The following FBN3 variants were observed in gnomAD, a reference collection of about 807,000 sequenced individuals.
FBN3 encodes fibrillin-3.
FBN3 carries 234 observed loss-of-function variants against 330.1 expected under a neutral mutation model. The ratio of observed to expected loss-of-function variants is 0.71; its 90% CI spans 0.64 to 0.79. The LOEUF (loss-of-function observed/expected upper bound fraction) is 0.79. Among genes scored for constraint, FBN3 ranks in the 30% least tolerant of loss-of-function variants. The pLI is 0.00. For missense variants in FBN3, 3,606 were observed against 3,886.9 expected, an observed-to-expected ratio of 0.93 and a Z score of 1.92; for synonymous variants, 1,458 against 1,517.3, an observed-to-expected ratio of 0.96 and a Z score of 0.91.
At chr19:8,093,735 TGA>T (rs1244144187) in intron 47 of FBN3, among the ~76,000 whole-genome samples, 4 of 152,090 alleles carry the variant, frequency 2.6e-5, no homozygotes, top group African/African-American at 9.7e-5. Flanking sequence ...TGCAGTGAGC[TGA>T]GAGTGAGACT....
At chr19:8,126,191 C>T (rs2082977298) in intron 21 of FBN3, 106 bp downstream of exon 21, 11 of 1,443,468 alleles carry the variant, frequency 7.6e-6, no homozygotes, top group African/African-American at 1.4e-5. Flanking sequence ...GTCCCCATCG[C>T]AAAAGACTCC....
Position 8,146,178 on chromosome 19 carries a change from G to T in FBN3, c.298C>A (p.Leu100Met). 1 of 1,603,308 alleles carries T rather than the reference G, an allele frequency of 6.2e-7. No homozygotes were observed. Among genetic ancestry groups the T allele is most frequent in the Non-Finnish European group, 8.5e-7 (1 of 1,176,270 alleles). The change falls in exon 4 of 64, where the codon CTG (leucine) becomes ATG (methionine). Residue 100 changes from leucine to methionine, a missense_variant. Transcript: ENST00000600128. ...CGEGFCSQPNLCTCADGTLAP... is the reference protein window; with the variant it reads ...CGEGFCSQPNMCTCADGTLAP... ...AGCGTCCCATCCGCACAGGTGCACA[G>T]GTTGGGCTGGGAGCAGAAGCCTTCA...
intron 30 of FBN3, 81 bp from the exon 31 acceptor site, chr19:8,112,180 C>G: frequency 6.8e-7 from 1 of 1,468,082 alleles, no homozygotes. Context: ...AGGGCAGGGA[C>G]TCTTCCTCTC....
chr19:8,088,783 G>T (rs1226228328), intron 51 of FBN3, among the ~76,000 whole-genome samples: 2 of 152,208 alleles, frequency 1.3e-5, no homozygotes, highest in African/African-American at 4.8e-5. Context: ...GGGTGAATGA[G>T]CAAGGAGACA....
intron 13 of FBN3, among the ~76,000 whole-genome samples, chr19:8,135,658 A>G (rs2144998711): frequency 6.6e-6 from 1 of 151,550 alleles, no homozygotes; most frequent in South Asian, 2.1e-4. Flanking sequence ...TTTCAGCTCA[A>G]GAGATTCTCC....
intron 37 of FBN3, among the ~76,000 whole-genome samples, chr19:8,107,098 T>C (rs538923241): frequency 1.3e-4 from 19 of 146,858 alleles, no homozygotes; most frequent in South Asian, 2.2e-4. Context: ...GGATGGGGCA[T>C]GGTTGGATGG....
chr19:8,088,947 C>T (rs1432871325), intron 51 of FBN3, among the ~76,000 whole-genome samples: 1 of 150,754 alleles, frequency 6.6e-6, no homozygotes, highest in Non-Finnish European at 1.5e-5. Context: ...ATTGAATGAA[C>T]AAGTGAATGA....
rs751649367 is a variant in FBN3 at position 8,136,042 on chromosome 19, G to A, written c.1510C>T (p.Arg504Cys). 3.4e-5 allele frequency: 54 copies of A among 1,610,888 alleles called. No homozygotes were observed. The highest frequency in any genetic ancestry group is 1.1e-4 in the South Asian group (10 of 90,892). Residue 504 changes from arginine (R) to cysteine (C), a missense_variant, in exon 13 of 64, where the codon CGC becomes TGC. Arg to Cys is a radical substitution (Grantham distance 180, BLOSUM62 -3). Coordinates refer to ENST00000600128, the MANE Select transcript of FBN3 (RefSeq NM_032447.5). Reference protein sequence around the residue: ...IVSGGLCHLGRCVNTEGSFQC... With the variant: ...IVSGGLCHLGCCVNTEGSFQC... ...AAGCTGCCCTCTGTGTTGACACAGC[G>A]GCCCAGGTGACAAAGGCCACCACTG...
intron 13 of FBN3, among the ~76,000 whole-genome samples, chr19:8,133,742 G>A (rs75813142): frequency 1.8e-4 from 28 of 151,958 alleles, no homozygotes; most frequent in African/African-American, 6.0e-4. Flanking sequence ...GTGAGCCACC[G>A]CGCCCAACCT....
Position 8,147,145 on chromosome 19 carries a change from G to A in FBN3, c.209C>T (p.Pro70Leu). 1 of 1,573,152 alleles carries A rather than the reference G, an allele frequency of 6.4e-7. No homozygotes were observed. Among genetic ancestry groups the A allele is most frequent in the Non-Finnish European group, 8.6e-7 (1 of 1,160,604 alleles). ...CCTGCCAGGGAATGTCCTCCAGCCT[G>A]GACAGCAGTAGGCATGGAACCGGGA... ...CGSRFHAYCC[P>L]GWRTFPGRSQ... Residue 70 changes from proline (P) to leucine (L), a missense_variant, in exon 3 of 64, where the codon CCA (proline) becomes CTA (leucine). Pro to Leu is a moderately conservative substitution (Grantham distance 98, BLOSUM62 -3). Coordinates refer to ENST00000600128, the MANE Select transcript of FBN3 (RefSeq NM_032447.5).
chr19:8,090,164 C>T lies in FBN3; in HGVS notation c.6119G>A (p.Cys2040Tyr). 1 of 1,614,124 alleles carries T rather than the reference C, an allele frequency of 6.2e-7. No homozygotes were observed. The highest frequency in any genetic ancestry group is 8.5e-7 in the Non-Finnish European group (1 of 1,180,016). The change falls in exon 49 of 64, where the codon TGC becomes TAC. Residue 2040 changes from cysteine (C) to tyrosine (Y), a missense_variant. Cys to Tyr is a radical substitution (Grantham distance 194). Coordinates refer to ENST00000600128, the MANE Select transcript of FBN3 (RefSeq NM_032447.5). ...KAFNTTKTRC[C>Y]CSKRPGEGWG... is the part of the protein sequence containing the mutation. Reference sequence around the variant, plus strand: ...GCCCTCCCCAGGCCTCTTACTGCAGCAGCAGCGGGTCTTGGTGGTGTTGAA... The same window carrying T: ...GCCCTCCCCAGGCCTCTTACTGCAGTAGCAGCGGGTCTTGGTGGTGTTGAA...
intron 59 of FBN3, among the ~76,000 whole-genome samples, chr19:8,076,247 C>CGTGTGTGTGTGTGTGTGT (rs34549426): frequency 1.0e-3 from 150 of 147,752 alleles, no homozygotes; most frequent in African/African-American, 1.5e-3. Flanking sequence ...TGTCCGTGTG[C>CGTGTGTGTGTGTGTGTGT]GTGTGTGTGT....
In FBN3 at chr19:8,147,386, C is replaced by G; in HGVS notation, c.95G>C (p.Arg32Pro). 1 of 1,597,392 alleles carries G rather than the reference C, an allele frequency of 6.3e-7. No homozygotes were observed. The highest frequency in any genetic ancestry group is 8.5e-7 in the Non-Finnish European group (1 of 1,173,718). Residue 32 changes from arginine to proline, a missense_variant, in exon 2 of 64, where the codon CGC becomes CCC. By Grantham distance (103) the Arg-to-Pro change is moderately radical (BLOSUM62 -2). Transcript: ENST00000600128. ...TGCAGCCTCCAAGGCCCCGTCCCAG[C>G]GGCCTTGGCCACCTGCCATGCACAA... ...ALLCMAGGQG[R>P]WDGALEAAGP...
chr19:8,117,041 G>C, intron 28 of FBN3, 128 bp downstream of exon 28: 1 of 1,425,354 alleles, frequency 7.0e-7, no homozygotes, highest in Non-Finnish European at 9.4e-7. Flanking sequence ...CCACAGGCCA[G>C]GCAGGGGGTG....
chr19:8,100,985 G>C lies in FBN3; in HGVS notation c.5090-13C>G. ...ATCTGGTAGTCAGCTGCGCAAAGGGGAACAAAGCTGAGTCTGGGGCTGCAG... is the reference window on the plus strand; with the variant it reads ...ATCTGGTAGTCAGCTGCGCAAAGGGCAACAAAGCTGAGTCTGGGGCTGCAG... On this transcript the variant is annotated splice_polypyrimidine_tract_variant and intron_variant, in intron 40 of 63. Coordinates refer to ENST00000600128, the MANE Select transcript of FBN3 (RefSeq NM_032447.5). The C allele has an allele frequency of 6.2e-7, 1 of 1,609,522 alleles. No homozygotes were observed. The highest frequency in any genetic ancestry group is 2.2e-5 in the East Asian group (1 of 44,608).
Position 8,123,929 on chromosome 19 carries a change from G to T in FBN3, c.2811C>A (p.Asp937Glu), listed in dbSNP as rs755574105. ...CGGCCCCGATGGAGCAGCAGCAGAC[G>T]TCCATCCGGTACTTGCCAGGCAGGG... ...GVTLPGKYRM[D>E]VCCCSIGAVW... Residue 937 changes from aspartate to glutamate, a missense_variant, in exon 23 of 64, where the codon GAC (aspartate) becomes GAA (glutamate). Transcript: ENST00000600128. The T allele has an allele frequency of 1.9e-6, 3 of 1,614,060 alleles. No homozygotes were observed. The highest frequency in any genetic ancestry group is 4.5e-5 in the East Asian group (2 of 44,874).
intron 59 of FBN3, among the ~76,000 whole-genome samples, chr19:8,079,749 C>A (rs111754950): frequency 3.3e-5 from 5 of 152,152 alleles, no homozygotes; most frequent in African/African-American, 1.2e-4. Context: ...ACCACCACAC[C>A]CGGCTAATTT....
chr19:8,140,083 A>C (rs1466077949), intron 8 of FBN3, among the ~76,000 whole-genome samples: 1 of 152,184 alleles, frequency 6.6e-6, no homozygotes, highest in African/African-American at 2.4e-5. Context: ...CTGCAAAAGC[A>C]AGAGGAGGAC....
chr19:8,125,006 G>A (rs756244654), intron 22 of FBN3, among the ~76,000 whole-genome samples: 7 of 152,178 alleles, frequency 4.6e-5, no homozygotes, highest in African/African-American at 9.7e-5. Flanking sequence ...TTCATCCATC[G>A]TAACAAATGC....
Sources: gnomAD v4.1 joint callset for allele counts (sites outside exome capture counted in the v4.1 genomes callset) on GRCh38, gnomAD v4.1.1 for gene constraint, MANE v1.5 for transcripts, NCBI Gene and HGNC (gene_info 2026-07-23, HGNC 2026-07-21) for gene names.